Variants in MYOM3 observed in about 807,000 individuals in gnomAD.
MYOM3 encodes the protein myomesin 3.
In MYOM3, 155 loss-of-function variants were observed where a neutral mutation model predicts 191.7. The observed-to-expected ratio is 0.81, with a 90% CI of 0.71 to 0.92. The LOEUF (loss-of-function observed/expected upper bound fraction) is 0.92, where lower values mean the gene tolerates loss of function less well. MYOM3 is among the 40% of genes least tolerant of loss of function. MYOM3 has a pLI of 0.00. For synonymous variants in MYOM3, 757 were observed against 762.9 expected (o/e 0.99, Z 0.13); for missense variants, 1,889 against 1,890.6 (o/e 1.00, Z 0.02).
At chr1:24,071,062 A>G in intron 25 of MYOM3, 55 bp downstream of exon 25, 2 of 1,592,282 alleles carry the variant, frequency 1.3e-6, no homozygotes, top group South Asian at 2.2e-5. Context: ...CCATCCCGCG[A>G]GGCCACCTCC....
chr1:24,086,535 G>T, intron 15 of MYOM3, 109 bp downstream of exon 15: 1 of 1,132,482 alleles, frequency 8.8e-7, no homozygotes, highest in Non-Finnish European at 1.2e-6. Context: ...TTCATGATGG[G>T]TAGAAGGGAG....
chr1:24,091,099 C>T (rs773721233), intron 11 of MYOM3, 103 bp from the exon 12 acceptor site: 63 of 1,290,078 alleles, frequency 4.9e-5, no homozygotes, highest in Admixed American at 1.2e-4. Flanking sequence ...GCCTGCCCAG[C>T]TCATCTCTGC....
In MYOM3 at chr1:24,068,224, G is replaced by A. The variant is rs200672813; in HGVS notation, c.3294C>T (p.Asp1098=). Residue 1098 remains aspartate, a splice_region_variant and synonymous_variant, in exon 26 of 37, where the codon GAC becomes GAT. Coordinates refer to ENST00000374434, the MANE Select transcript of MYOM3 (RefSeq NM_152372.4). The part of the protein sequence containing the change: ...KNQITLTLVD[D]DFDKLLRKAD... The stretch of plus-strand genomic sequence containing the variant: ...GGGGCGAGGCTGGGCATGGCTGACC[G>A]TCATCCACCAGTGTCAAGGTAATCT... 4.2e-3 allele frequency: 6,745 copies of A among 1,608,556 alleles called. 73 individuals are homozygous for A. Among genetic ancestry groups the A allele is most frequent in the Non-Finnish European group, 3.2e-3 (3,776 of 1,179,802 alleles).
At chr1:24,094,348 T>G (rs1643867497) in intron 9 of MYOM3, among the ~76,000 whole-genome samples, 1 of 152,092 alleles carries the variant, frequency 6.6e-6, no homozygotes, top group African/African-American at 2.4e-5. Flanking sequence ...TTTTTGGTAT[T>G]TTTAGTAAAG....
Position 24,082,621 on chromosome 1 carries a change from G to A in MYOM3, c.2064C>T (p.Thr688=), listed in dbSNP as rs765590066. ...GAGCCTGCTTGACCCTGATGGGCTC[G>A]GTGGCGGCTGAGCTCTCGCCTACCC... is the stretch of plus-strand genomic sequence containing the variant. ...EAGVGESSAA[T]EPIRVKQALA... The change falls in exon 17 of 37, where the codon ACC becomes ACT. Residue 688 remains threonine (T), a synonymous_variant. Transcript: ENST00000374434. The A allele has an allele frequency of 6.5e-5, 105 of 1,611,126 alleles. No homozygotes were observed. Among genetic ancestry groups the A allele is most frequent in the South Asian group, 4.3e-4 (39 of 90,580 alleles).
intron 24 of MYOM3, 66 bp from the exon 25 acceptor site, chr1:24,071,319 C>G: frequency 6.5e-7 from 1 of 1,538,956 alleles, no homozygotes; most frequent in Non-Finnish European, 8.8e-7. Flanking sequence ...CCCTTCCAGC[C>G]CCACCTTGAG....
At chr1:24,091,820 T>A (rs1643842177) in intron 11 of MYOM3, among the ~76,000 whole-genome samples, 1 of 152,126 alleles carries the variant, frequency 6.6e-6, no homozygotes, top group South Asian at 2.1e-4. Flanking sequence ...TCCCTTGGGG[T>A]CAGTGCTATT....
chr1:24,066,453 T>C (rs1477927739), intron 28 of MYOM3: 3 of 565,532 alleles, frequency 5.3e-6, no homozygotes, highest in African/African-American at 1.9e-5. Flanking sequence ...TGAATGAATA[T>C]GCTTCTGGGA....
intron 16 of MYOM3, 85 bp downstream of exon 16, chr1:24,084,383 C>G: frequency 6.7e-7 from 1 of 1,488,192 alleles, no homozygotes; most frequent in African/African-American, 1.4e-5. Context: ...GATTAAACCT[C>G]TTTTCTTTAT....
At position 24,108,638 on chromosome 1, in the gene MYOM3, GT is replaced by G; in HGVS notation, c.-3del. 6.5e-7 allele frequency: 1 copy of G among 1,549,202 alleles called. No homozygotes were observed. Among genetic ancestry groups the G allele is most frequent in the South Asian group, 1.2e-5 (1 of 83,272 alleles). ...TCCCAAGCTGTGCGGCAGAGTCATG[GT>G]TACGAGAGCAACAACCTGTGAAGGC... On this transcript the variant is annotated 5_prime_UTR_variant, in exon 2 of 37. Coordinates refer to ENST00000374434, the MANE Select transcript of MYOM3 (RefSeq NM_152372.4).
At chr1:24,078,355 G>T (rs1002033795) in intron 20 of MYOM3, among the ~76,000 whole-genome samples, 2 of 152,150 alleles carry the variant, frequency 1.3e-5, no homozygotes, top group Non-Finnish European at 2.9e-5. Context: ...GACCTCAGGA[G>T]ATCCGCCTGC....
At chr1:24,099,809 T>C in intron 5 of MYOM3, 34 bp from the exon 6 acceptor site, 1 of 1,549,928 alleles carries the variant, frequency 6.5e-7, no homozygotes, top group South Asian at 1.1e-5. Context: ...GCAGGCAGGG[T>C]GGTTCTAAGC....
chr1:24,100,116 G>A lies in MYOM3; in HGVS notation c.561-341C>T, dbSNP rs1570885141. 3.3e-5 allele frequency among the ~76,000 whole-genome samples: 5 copies of A among 152,186 alleles called. No homozygotes were observed. The South Asian group carries it at 1.0e-3, about 32-fold the overall frequency. On this transcript the variant is annotated intron_variant, in intron 5 of 36. Transcript: ENST00000374434. Reference sequence around the variant, plus strand: ...ATTCCTGACCTCAGGTGATCCGCCCGCCTCAGCCTCCTAAAGTGCTAAGAT... The same window carrying A: ...ATTCCTGACCTCAGGTGATCCGCCCACCTCAGCCTCCTAAAGTGCTAAGAT...
intron 1 of MYOM3, 24 bp from the exon 2 acceptor site, chr1:24,108,678 C>G: frequency 6.7e-7 from 1 of 1,501,090 alleles, no homozygotes; most frequent in Middle Eastern, 1.7e-4. Flanking sequence ...GGTCCACGGT[C>G]ATTCCACCAG....
chr1:24,075,954 C>T (rs990201304), intron 21 of MYOM3, among the ~76,000 whole-genome samples: 1 of 152,192 alleles, frequency 6.6e-6, no homozygotes, highest in Non-Finnish European at 1.5e-5. Context: ...CATATACTAG[C>T]GTGTGACCTG....
In MYOM3 at chr1:24,091,013, C is replaced by A; in HGVS notation, c.1233-17G>T. ...CCCTGGCACCTGTTGGAGACAGGCC[C>A]CCCCTTTCAGCCCCTGCCCACAATG... On this transcript the variant is annotated splice_polypyrimidine_tract_variant and intron_variant, in intron 11 of 36. Coordinates refer to ENST00000374434, the MANE Select transcript of MYOM3 (RefSeq NM_152372.4). 6.2e-7 allele frequency: 1 copy of A among 1,613,226 alleles called. No individual in the cohort carries two copies. Among genetic ancestry groups the A allele is most frequent in the Non-Finnish European group, 8.5e-7 (1 of 1,179,588 alleles).
At chr1:24,073,283 C>G (rs1026984280) in intron 23 of MYOM3, among the ~76,000 whole-genome samples, 4 of 152,156 alleles carry the variant, frequency 2.6e-5, no homozygotes, top group African/African-American at 4.8e-5. Flanking sequence ...GCCCCATGTG[C>G]CATGAGCAGG....
intron 17 of MYOM3, 192 bp from the exon 18 acceptor site, chr1:24,082,380 A>AC (rs1294986969): frequency 3.5e-5 from 30 of 859,648 alleles, no homozygotes; most frequent in Non-Finnish European, 4.6e-5. Flanking sequence ...GGGCTTCCCC[A>AC]CCCCCCAGAG....
At chr1:24,106,110 G>A (rs1643981413) in intron 4 of MYOM3, 33 bp from the exon 5 acceptor site, 2 of 1,566,796 alleles carry the variant, frequency 1.3e-6, no homozygotes, top group Admixed American at 1.8e-5. Flanking sequence ...GACGCTGTGA[G>A]CCAGGGACCA....
Sources: allele counts gnomAD v4.1 joint callset (sites outside exome capture counted in the v4.1 genomes callset), GRCh38; gene constraint gnomAD v4.1.1; transcripts MANE v1.5; gene names NCBI Gene and HGNC (gene_info 2026-07-23, HGNC 2026-07-21).